ZNF280D: variants seen among roughly 807,000 people sequenced by gnomAD.
ZNF280D encodes the protein suppressor of hairy wing homolog 4.
ZNF280D carries 39 observed loss-of-function variants against 94.7 expected under a neutral mutation model. The observed-to-expected ratio is 0.41, with a 90% confidence interval of 0.32 to 0.54. The LOEUF is 0.54. Ranked by LOEUF, ZNF280D falls within the 20% of genes least tolerant of loss-of-function variation. The pLI is 0.22. For missense variants in ZNF280D, 1,090 were observed against 1,149.3 expected, an observed-to-expected ratio of 0.95 and a Z score of 0.75; for synonymous variants, 398 against 377.6, an observed-to-expected ratio of 1.05 and a Z score of -0.63.
intron 16 of ZNF280D, among the ~76,000 whole-genome samples, chr15:56,660,693 T>C (rs930714705): frequency 6.6e-6 from 1 of 152,162 alleles, no homozygotes; most frequent in South Asian, 2.1e-4. Flanking sequence ...AAAAAATCCC[T>C]TACTTGATTA....
intron 6 of ZNF280D, among the ~76,000 whole-genome samples, chr15:56,696,508 T>C (rs2056756787): frequency 6.6e-6 from 1 of 152,178 alleles, no homozygotes; most frequent in Non-Finnish European, 1.5e-5. Context: ...TCTGACTGAT[T>C]ACAAAGCCCA....
intron 1 of ZNF280D, among the ~76,000 whole-genome samples, chr15:56,731,525 A>AAG (rs2058888322): frequency 6.6e-6 from 1 of 151,574 alleles, no homozygotes; most frequent in Non-Finnish European, 1.5e-5. Context: ...AAAAAAAAAA[A>AAG]AAAGACTGAA....
At chr15:56,728,258 A>G (rs1343910122) in intron 1 of ZNF280D, among the ~76,000 whole-genome samples, 1 of 152,126 alleles carries the variant, frequency 6.6e-6, no homozygotes, top group Non-Finnish European at 1.5e-5. Context: ...CCTAGGCTCA[A>G]GCAATCCTGC....
At chr15:56,649,482 T>C (rs756966993) in intron 19 of ZNF280D, among the ~76,000 whole-genome samples, 6 of 152,090 alleles carry the variant, frequency 3.9e-5, no homozygotes, top group Admixed American at 2.0e-4. Flanking sequence ...ATTTTACAGT[T>C]CCTAAAGATC....
intron 19 of ZNF280D, among the ~76,000 whole-genome samples, chr15:56,651,787 T>C (rs1596355003): frequency 1.3e-5 from 2 of 152,288 alleles, no homozygotes. Context: ...TTTGTTATTG[T>C]TTTTCCCCCC....
At chr15:56,713,955 AAT>A (rs1288247289) in intron 1 of ZNF280D, among the ~76,000 whole-genome samples, 1 of 152,186 alleles carries the variant, frequency 6.6e-6, no homozygotes, top group African/African-American at 2.4e-5. Context: ...GATAAACAAT[AAT>A]ATAATTAAAG....
intron 3 of ZNF280D, among the ~76,000 whole-genome samples, chr15:56,704,569 T>C (rs2057285880): frequency 6.6e-6 from 1 of 152,314 alleles, no homozygotes; most frequent in East Asian, 1.9e-4. Flanking sequence ...AATATGATTA[T>C]CTCTACAAAA....
chr15:56,678,607 A>C, intron 11 of ZNF280D, 57 bp downstream of exon 11: 1 of 1,362,222 alleles, frequency 7.3e-7, no homozygotes, highest in Non-Finnish European at 9.6e-7. Context: ...AGGTTTTCTC[A>C]CAATTTATAT....
chr15:56,653,452 T>C lies in ZNF280D; in HGVS notation c.2213+746A>G, dbSNP rs747387188. ...GGGAGTCTCCCCAAGATCTGATTTC[T>C]TGAGGCCACAACCTAAGAGCAGGTC... On this transcript the variant is annotated intron_variant, in intron 19 of 21. Transcript: ENST00000267807. 6.1e-6 allele frequency: 9 copies of C among 1,464,910 alleles called. No homozygotes were observed. In the South Asian group the frequency reaches 1.2e-4, roughly 20 times the overall value. 90.7% of individuals were successfully genotyped at this position (1,464,910 alleles called of 1,614,324 possible).
chr15:56,719,912 T>TA (rs1276066693), intron 1 of ZNF280D, among the ~76,000 whole-genome samples: 1 of 129,352 alleles, frequency 7.7e-6, no homozygotes, highest in Non-Finnish European at 1.7e-5. Context: ...AAAAAAAAGA[T>TA]AAAGCTCATT....
intron 19 of ZNF280D, chr15:56,653,495 A>G (rs1467302464): frequency 6.6e-7 from 1 of 1,516,514 alleles, no homozygotes; most frequent in African/African-American, 1.4e-5. Context: ...CAAATTATTC[A>G]CATTCCTTGG....
At chr15:56,659,465 TA>T (rs1357677321) in intron 16 of ZNF280D, among the ~76,000 whole-genome samples, 1 of 152,114 alleles carries the variant, frequency 6.6e-6, no homozygotes, top group African/African-American at 2.4e-5. Flanking sequence ...AGAGACAGAC[TA>T]CGTTCATATA....
At chr15:56,654,858 A>G (rs1362713111) in intron 17 of ZNF280D, 1 of 461,256 alleles carries the variant, frequency 2.2e-6, no homozygotes, top group East Asian at 6.8e-5. Context: ...AAGTGAACAT[A>G]GCGTATTCAT....
intron 1 of ZNF280D, among the ~76,000 whole-genome samples, chr15:56,722,584 G>A (rs2058423105): frequency 6.6e-6 from 1 of 152,182 alleles, no homozygotes; most frequent in South Asian, 2.1e-4. Context: ...AACAACAGGT[G>A]CTGGAGAGGA....
At chr15:56,713,494 A>G (rs540397837) in intron 1 of ZNF280D, among the ~76,000 whole-genome samples, 3 of 152,178 alleles carry the variant, frequency 2.0e-5, no homozygotes, top group Non-Finnish European at 2.9e-5. Context: ...TTCTACTTAA[A>G]TCAGCTTTGT....
At chr15:56,672,169 GTTTC>G (rs2054911027) in intron 13 of ZNF280D, among the ~76,000 whole-genome samples, 2 of 151,840 alleles carry the variant, frequency 1.3e-5, no homozygotes, top group South Asian at 4.1e-4. Context: ...AATGTGCATT[GTTTC>G]TTTCTTTTGC....
intron 13 of ZNF280D, among the ~76,000 whole-genome samples, chr15:56,671,126 T>C (rs962919261): frequency 6.6e-6 from 1 of 152,138 alleles, no homozygotes; most frequent in Non-Finnish European, 1.5e-5. Flanking sequence ...CTGTAAGTTG[T>C]CTGCTTACTT....
At chr15:56,641,358 C>T (rs1428644065) in intron 20 of ZNF280D, among the ~76,000 whole-genome samples, 2 of 152,030 alleles carry the variant, frequency 1.3e-5, no homozygotes, top group East Asian at 3.9e-4. Flanking sequence ...AGATAATCTG[C>T]ATAACACTTT....
intron 20 of ZNF280D, among the ~76,000 whole-genome samples, chr15:56,641,381 T>C (rs1428592061): frequency 6.6e-6 from 1 of 152,016 alleles, no homozygotes; most frequent in African/African-American, 2.4e-5. Flanking sequence ...AATCTATTCA[T>C]ACCAATATGC....
Sources: gnomAD v4.1 joint callset for allele counts (sites outside exome capture counted in the v4.1 genomes callset) on GRCh38, gnomAD v4.1.1 for gene constraint, MANE v1.5 for transcripts, NCBI Gene and HGNC (gene_info 2026-07-23, HGNC 2026-07-21) for gene names.